Variants in CD109 observed in about 807,000 individuals in gnomAD.
The protein encoded by CD109 is CD109 antigen.
CD109 carries 149 observed loss-of-function variants against 165.8 expected under a neutral mutation model. The observed-to-expected ratio is 0.90, with a 90% CI of 0.79 to 1.03. The LOEUF (loss-of-function observed/expected upper bound fraction) is 1.03, where lower values mean the gene tolerates loss of function less well. CD109 is among the 50% of genes least tolerant of loss of function. CD109 has a pLI of 0.00. For missense variants in CD109, 1,712 were observed against 1,677.8 expected (o/e 1.02, Z -0.36); for synonymous variants, 585 against 592.1 (o/e 0.99, Z 0.18).
At chr6:73,805,791 C>T (rs1775540678) in intron 24 of CD109, among the ~76,000 whole-genome samples, 1 of 152,174 alleles carries the variant, frequency 6.6e-6, no homozygotes, top group Non-Finnish European at 1.5e-5. Flanking sequence ...CAAGGCACAT[C>T]TTACACAGCC....
intron 2 of CD109, among the ~76,000 whole-genome samples, chr6:73,707,987 TATATATATATATATATATA>T (rs1562021871): frequency 3.3e-4 from 23 of 70,002 alleles, no homozygotes; most frequent in African/African-American, 1.0e-3. Context: ...TATATATATA[TATATATATATATATATATA>T]TATTTATTAT....
At chr6:73,802,305 A>ATATTTTTTTT (rs1554183463) in intron 23 of CD109, among the ~76,000 whole-genome samples, 1 of 47,608 alleles carries the variant, frequency 2.1e-5, no homozygotes, top group African/African-American at 8.5e-5. Context: ...ATATATATAT[A>ATATTTTTTTT]TTTTTTTTTT....
chr6:73,703,028 A>C (rs1033490954), intron 2 of CD109, among the ~76,000 whole-genome samples: 9 of 152,192 alleles, frequency 5.9e-5, no homozygotes, highest in Admixed American at 3.3e-4. Context: ...CACTATATTT[A>C]ATTTTAACAA....
At chr6:73,682,862 C>G in the CD109 span, among the ~76,000 whole-genome samples, 1 of 152,112 alleles carries the variant, frequency 6.6e-6, no homozygotes, top group African/African-American at 2.4e-5. Context: ...CCTCTGAAAC[C>G]ACGGCCCGAG....
intron 15 of CD109, among the ~76,000 whole-genome samples, chr6:73,774,524 G>A (rs1226155835): frequency 1.3e-5 from 2 of 152,164 alleles, no homozygotes; most frequent in African/African-American, 4.8e-5. Context: ...AATGCTTGAG[G>A]GACATGGGTC....
At position 73,789,515 on chromosome 6, in the gene CD109, G is replaced by A. The variant is rs545330844; in HGVS notation, c.2701+903G>A. On this transcript the variant is annotated intron_variant, in intron 22 of 32. Transcript: ENST00000287097. ...GTCGCCCAGGCTGGAGTGCAGTGGC[G>A]CGAACTTGGCTCACTGCAAGCTCTG... Among the ~76,000 whole-genome samples the A allele has an allele frequency of 1.1e-3, 163 of 150,644 alleles. 2 individuals are homozygous for A. Among genetic ancestry groups the A allele is most frequent in the African/African-American group, 3.6e-3 (146 of 40,970 alleles).
At chr6:73,708,580 T>G (rs950755094) in intron 2 of CD109, among the ~76,000 whole-genome samples, 1 of 152,238 alleles carries the variant, frequency 6.6e-6, no homozygotes, top group African/African-American at 2.4e-5. Context: ...CCACCCTGTC[T>G]TCCACAATGG....
rs1772313545 is a variant in CD109, at chr6:73,730,323, G to A, written c.277-21G>A. ...AGGTAAAATAATGAGACCTTGATGT[G>A]TGATCTCTTTTTCCCCCCAGCTACC... On this transcript the variant is annotated intron_variant, in intron 3 of 32. Transcript: ENST00000287097. The A allele has an allele frequency of 2.1e-6, 3 of 1,440,026 alleles. No homozygotes were observed. The South Asian group carries it at 3.6e-5, about 17-fold the overall frequency. 89.2% of individuals were successfully genotyped at this position (1,440,026 alleles called of 1,614,324 possible).
chr6:73,771,374 A>T (rs1438375418), intron 14 of CD109, 55 bp from the exon 15 acceptor site: 2 of 1,479,650 alleles, frequency 1.4e-6, no homozygotes, highest in African/African-American at 2.9e-5. Context: ...TGCTATTGGC[A>T]AGAATATGCT....
chr6:73,736,451 T>G lies in CD109; in HGVS notation c.576T>G (p.Thr192=), dbSNP rs777296929. 2.5e-6 allele frequency: 4 copies of G among 1,613,826 alleles called. No homozygotes were observed. The African/African-American group carries it at 5.3e-5, about 22-fold the overall frequency. Residue 192 remains threonine, a synonymous_variant, in exon 5 of 33, where the codon ACT becomes ACG. Coordinates refer to ENST00000287097, the MANE Select transcript of CD109 (RefSeq NM_133493.5). ...QQSDLGVISK[T]FQLSSHPILG... ...GTGATCTTGGAGTCATTTCCAAAAC[T>G]TTTCAGCTATCTTCCCATCCAATAC...
chr6:73,744,127 A>G (rs1772891807), intron 5 of CD109, among the ~76,000 whole-genome samples: 1 of 152,244 alleles, frequency 6.6e-6, no homozygotes, highest in South Asian at 2.1e-4. Context: ...TGGTGCAACC[A>G]TCTGCCACCA....
chr6:73,772,867 C>G (rs1202555476), intron 15 of CD109, among the ~76,000 whole-genome samples: 1 of 150,090 alleles, frequency 6.7e-6, no homozygotes, highest in Non-Finnish European at 1.5e-5. Flanking sequence ...TTTCTTCAGT[C>G]TACACAACTA....
chr6:73,815,863 T>C (rs1343808014), intron 30 of CD109, among the ~76,000 whole-genome samples: 1 of 152,214 alleles, frequency 6.6e-6, no homozygotes, highest in Non-Finnish European at 1.5e-5. Context: ...TTCATGAATC[T>C]ATTCTCTTAC....
Position 73,781,320 on chromosome 6 carries a change from G to A in CD109, c.1963+1G>A. The A allele has an allele frequency of 6.2e-7, 1 of 1,610,228 alleles. No homozygotes were observed. Among genetic ancestry groups the A allele is most frequent in the Non-Finnish European group, 8.5e-7 (1 of 1,176,708 alleles). ...ACGAAGGATTATATTGATGGTGTTT[G>A]TAAGTAATACATGGCGACATGCTTG... is the stretch of plus-strand genomic sequence containing the variant. On this transcript the variant is annotated splice_donor_variant, in intron 17 of 32. Transcript: ENST00000287097. LOFTEE classifies it high-confidence loss of function.
chr6:73,686,405 G>A, the CD109 span, among the ~76,000 whole-genome samples: 1 of 152,314 alleles, frequency 6.6e-6, no homozygotes, highest in East Asian at 1.9e-4. Flanking sequence ...TCTGTGTGAT[G>A]TTTAATACGT....
chr6:73,730,622 AACCCCTCT>A, intron 4 of CD109, 48 bp downstream of exon 4: 1 of 1,246,700 alleles, frequency 8.0e-7, no homozygotes, highest in Non-Finnish European at 1.2e-6. Context: ...CATCTTACTA[AACCCCTCT>A]GGGAAGTTCT....
At position 73,785,214 on chromosome 6, in the gene CD109, T is replaced by A. The variant is rs1774642241; in HGVS notation, c.2224-150T>A. ...TCAATTTGCCGTCATTCATTTGTGA[T>A]AAGTTGCTGTTTGCTTTCTGTTGAT... On this transcript the variant is annotated intron_variant, in intron 19 of 32. Coordinates refer to ENST00000287097, the MANE Select transcript of CD109 (RefSeq NM_133493.5). 4.9e-6 allele frequency: 3 copies of A among 618,522 alleles called. No homozygotes were observed. In the South Asian group the frequency reaches 5.8e-5, roughly 12 times the overall value. The allele number at this position is 618,522 out of a possible 1,614,324, so 38.3% of individuals were successfully genotyped here. A position where few individuals can be genotyped will look rare whatever the true frequency, so the allele number is the denominator to read the frequency against.
At chr6:73,717,781 G>A (rs1771797852) in intron 2 of CD109, among the ~76,000 whole-genome samples, 1 of 151,330 alleles carries the variant, frequency 6.6e-6, no homozygotes, top group East Asian at 2.0e-4. Context: ...AACCACGCCC[G>A]GCTAATTTTT....
chr6:73,783,939 T>C (rs760422667), intron 19 of CD109, 115 bp downstream of exon 19: 2 of 612,844 alleles, frequency 3.3e-6, no homozygotes, highest in Non-Finnish European at 5.7e-6. Flanking sequence ...AGTTTAGAGA[T>C]TCCTTGGCTT....
Sources: gnomAD v4.1 joint callset for allele counts (sites outside exome capture counted in the v4.1 genomes callset) on GRCh38, gnomAD v4.1.1 for gene constraint, MANE v1.5 for transcripts, NCBI Gene and HGNC (gene_info 2026-07-23, HGNC 2026-07-21) for gene names.